PCBP2: variants seen among roughly 807,000 people sequenced by gnomAD.
The protein encoded by PCBP2 is poly(rC)-binding protein 2.
Under a neutral mutation model 50.1 loss-of-function variants are expected in PCBP2, and 4 were observed. That is an observed-to-expected ratio of 0.08 (90% CI 0.04 to 0.18). The LOEUF is 0.18. Among genes scored for constraint, PCBP2 ranks in the 10% least tolerant of loss-of-function variants. PCBP2 has a pLI of 1.00. For synonymous variants in PCBP2, 179 were observed against 168.0 expected (o/e 1.07, Z -0.51); for missense variants, 161 against 474.3 (o/e 0.34, Z 6.14).
At chr12:53,473,878 T>A (rs1592682798) in intron 14 of PCBP2, among the ~76,000 whole-genome samples, 1 of 152,156 alleles carries the variant, frequency 6.6e-6, no homozygotes, top group Non-Finnish European at 1.5e-5. Flanking sequence ...TTTATATAGT[T>A]AGTTGACTTC....
chr12:53,459,245 T>C, intron 5 of PCBP2, 27 bp from the exon 6 acceptor site: 6 of 1,576,526 alleles, frequency 3.8e-6, no homozygotes, highest in South Asian at 2.3e-5. Flanking sequence ...AGGGATCTGC[T>C]TATTGTGGTG....
chr12:53,468,937 A>G, intron 13 of PCBP2, 105 bp downstream of exon 13: 1 of 451,680 alleles, frequency 2.2e-6, no homozygotes, highest in South Asian at 2.5e-5. Context: ...TTTTTTTTTT[A>G]AACAGCCCAG....
intron 5 of PCBP2, among the ~76,000 whole-genome samples, chr12:53,458,304 TTTTTG>T (rs3049329): frequency 0.45 from 67,812 of 151,084 alleles, 16,316 homozygotes; most frequent in Middle Eastern, 0.58. Context: ...TTTGTTTTTG[TTTTTG>T]TTTTGTTTTG....
intron 14 of PCBP2, among the ~76,000 whole-genome samples, chr12:53,478,847 ACT>A (rs1480916623): frequency 1.3e-5 from 2 of 151,122 alleles, no homozygotes; most frequent in Non-Finnish European, 3.0e-5. Context: ...ACCCATAGTT[ACT>A]CTTTTTACAT....
At chr12:53,455,396 A>ATTAC (rs775438719) in intron 3 of PCBP2, 26 bp downstream of exon 3, 5 of 1,614,050 alleles carry the variant, frequency 3.1e-6, no homozygotes, top group Non-Finnish European at 3.4e-6. Context: ...TTCAACTTCA[A>ATTAC]TTACCATTTA....
At chr12:53,470,249 G>T (rs550375874) in intron 13 of PCBP2, among the ~76,000 whole-genome samples, 1 of 151,462 alleles carries the variant, frequency 6.6e-6, no homozygotes, top group Non-Finnish European at 1.5e-5. Flanking sequence ...GTGCTGGCCC[G>T]CACCTGTAAT....
chr12:53,471,599 C>T (rs1380800740), intron 13 of PCBP2, 39 bp from the exon 14 acceptor site: 1 of 1,570,804 alleles, frequency 6.4e-7, no homozygotes, highest in Non-Finnish European at 8.6e-7. Flanking sequence ...AGCCATGCAA[C>T]TCTAATTCGG....
intron 13 of PCBP2, among the ~76,000 whole-genome samples, chr12:53,470,885 A>G (rs1178075196): frequency 6.6e-6 from 1 of 151,902 alleles, no homozygotes; most frequent in Non-Finnish European, 1.5e-5. Flanking sequence ...CCAGAAACAG[A>G]ATGTATTTCT....
At chr12:53,468,097 C>T in intron 12 of PCBP2, 1 of 487,910 alleles carries the variant, frequency 2.0e-6, no homozygotes, top group Non-Finnish European at 3.6e-6. Context: ...TGGCCTGGTT[C>T]AGTCCAGGTG....
rs1417421322 is a variant in PCBP2 at position 53,480,668 on chromosome 12, T to G, written c.*1226T>G. 1 of 152,506 alleles carries G rather than the reference T, an allele frequency of 6.6e-6. No individual in the cohort carries two copies. The highest frequency in any genetic ancestry group is 2.4e-5 in the African/African-American group (1 of 41,364). 9.4% of individuals were successfully genotyped at this position (152,506 alleles called of 1,614,324 possible). ...CTCCCCCTGGGCCTTAAGACAGGGC[T>G]TGGGCAGAGAAGATAAATGGTGGGA... On this transcript the variant is annotated 3_prime_UTR_variant, in exon 15 of 15. Coordinates refer to ENST00000546463, the MANE Select transcript of PCBP2 (RefSeq NM_031989.5).
At chr12:53,453,808 C>A (rs1311469935) in intron 1 of PCBP2, among the ~76,000 whole-genome samples, 2 of 152,154 alleles carry the variant, frequency 1.3e-5, no homozygotes, top group Non-Finnish European at 2.9e-5. Context: ...TAACTAGTTA[C>A]TCTAAAGCAG....
chr12:53,458,218 G>A (rs555922929), intron 5 of PCBP2, among the ~76,000 whole-genome samples: 3 of 152,198 alleles, frequency 2.0e-5, no homozygotes, highest in East Asian at 1.9e-4. Flanking sequence ...CTGAGCCACC[G>A]TGCCCCGCCT....
intron 1 of PCBP2, among the ~76,000 whole-genome samples, chr12:53,454,091 A>T (rs980026971): frequency 6.6e-6 from 1 of 152,226 alleles, no homozygotes; most frequent in Non-Finnish European, 1.5e-5. Context: ...TACTTAATGT[A>T]TCGAGTCATT....
chr12:53,477,509 T>TA (rs1028645573), intron 14 of PCBP2, among the ~76,000 whole-genome samples: 1 of 151,198 alleles, frequency 6.6e-6, no homozygotes, highest in Non-Finnish European at 1.5e-5. Flanking sequence ...ACTAAAAACA[T>TA]AAAAAAATTA....
At chr12:53,463,874 TG>T (rs1374517441) in intron 8 of PCBP2, among the ~76,000 whole-genome samples, 1 of 152,230 alleles carries the variant, frequency 6.6e-6, no homozygotes, top group East Asian at 1.9e-4. Context: ...AGCATAAACT[TG>T]GGAGTCCATC....
chr12:53,467,536 A>G (rs1374913618), intron 11 of PCBP2: 3 of 616,720 alleles, frequency 4.9e-6, no homozygotes, highest in African/African-American at 3.7e-5. Context: ...AGGTTTGGGG[A>G]TGCTTGTCAG....
At chr12:53,452,521 G>T (rs973060149) in intron 1 of PCBP2, 145 bp downstream of exon 1, 18 of 151,506 alleles carry the variant, frequency 1.2e-4, no homozygotes, top group Admixed American at 7.2e-4. Context: ...TGCCAGGCCG[G>T]TCATTCACGC....
chr12:53,478,395 C>G (rs1942794908), intron 14 of PCBP2, among the ~76,000 whole-genome samples: 1 of 152,104 alleles, frequency 6.6e-6, no homozygotes, highest in Non-Finnish European at 1.5e-5. Context: ...GGAATTGCAG[C>G]TACTCAGGAG....
chr12:53,454,307 A>G (rs1049076716), intron 1 of PCBP2: 1 of 155,110 alleles, frequency 6.4e-6, no homozygotes, highest in Non-Finnish European at 1.4e-5. Context: ...CTAGTTTTCA[A>G]CTTAAACTGC....
Sources: allele counts gnomAD v4.1 joint callset (sites outside exome capture counted in the v4.1 genomes callset), GRCh38; gene constraint gnomAD v4.1.1; transcripts MANE v1.5; gene names NCBI Gene and HGNC (gene_info 2026-07-23, HGNC 2026-07-21).